MMP24: variants seen among roughly 807,000 people sequenced by gnomAD.
MMP24 encodes matrix metalloproteinase-24.
Under a neutral mutation model 62.8 loss-of-function variants are expected in MMP24, and 25 were observed. The observed-to-expected ratio is 0.40, with a 90% CI of 0.29 to 0.56. The LOEUF (loss-of-function observed/expected upper bound fraction) is 0.56, where lower values mean the gene tolerates loss of function less well. MMP24 is among the 20% of genes least tolerant of loss of function. The pLI is 0.50. For missense variants in MMP24, 634 were observed against 853.6 expected (o/e 0.74, Z 3.21); for synonymous variants, 319 against 350.5 (o/e 0.91, Z 1.00).
intron 3 of MMP24, among the ~76,000 whole-genome samples, chr20:35,252,792 GT>G (rs2060554006): frequency 1.4e-5 from 2 of 138,328 alleles, no homozygotes; most frequent in Admixed American, 1.4e-4. Flanking sequence ...TCAGGTGGGG[GT>G]GGGGCAAGGG....
At chr20:35,227,535 C>T (rs936148927) in intron 1 of MMP24, among the ~76,000 whole-genome samples, 8 of 151,272 alleles carry the variant, frequency 5.3e-5, no homozygotes, top group African/African-American at 1.9e-4. Flanking sequence ...AATTTGGGCT[C>T]GATATAGGAA....
chr20:35,274,969 C>A lies in MMP24; in HGVS notation c.*360C>A. ...ACCACAGCTCCACTCCTGGCTGGAA[C>A]CCAGCACCCTCTGTGGGAAGCCAGC... On this transcript the variant is annotated 3_prime_UTR_variant, in exon 9 of 9. Transcript: ENST00000246186. The surrounding 1 kb of genome is among the most constrained non-coding windows in gnomAD (Gnocchi z 5.1). The A allele has an allele frequency of 4.0e-6, 1 of 252,220 alleles. No homozygotes were observed. Among genetic ancestry groups the A allele is most frequent in the Admixed American group, 5.0e-5 (1 of 20,166 alleles). 15.6% of individuals were successfully genotyped at this position (252,220 alleles called of 1,614,324 possible).
At chr20:35,260,539 C>A (rs1467046405) in intron 4 of MMP24, among the ~76,000 whole-genome samples, 2 of 152,252 alleles carry the variant, frequency 1.3e-5, no homozygotes, top group Non-Finnish European at 2.9e-5. Context: ...GGAGCACAGC[C>A]AGGACTGGAC....
At chr20:35,264,686 C>G (rs1195585500) in intron 5 of MMP24, among the ~76,000 whole-genome samples, 6 of 108,328 alleles carry the variant, frequency 5.5e-5, no homozygotes, top group Non-Finnish European at 1.0e-4. Context: ...CCAGCCTGGG[C>G]AACAGGGCGA....
At chr20:35,229,093 G>A (rs2060427158) in intron 1 of MMP24, among the ~76,000 whole-genome samples, 1 of 152,188 alleles carries the variant, frequency 6.6e-6, no homozygotes, top group South Asian at 2.1e-4. Flanking sequence ...CCCTGTATGT[G>A]GATTATTTTT....
At chr20:35,245,403 T>TC (rs375639765) in intron 1 of MMP24, among the ~76,000 whole-genome samples, 31 of 151,678 alleles carry the variant, frequency 2.0e-4, no homozygotes, top group Middle Eastern at 6.8e-3. Context: ...CTCTCTTCTC[T>TC]CTGTCTCTGT....
chr20:35,261,501 G>A (rs2146228149), intron 4 of MMP24, among the ~76,000 whole-genome samples: 1 of 152,306 alleles, frequency 6.6e-6, no homozygotes, highest in African/African-American at 2.4e-5. Context: ...GGGGAATGAA[G>A]GTAATCTGTC....
chr20:35,234,013 G>A (rs2060450041), intron 1 of MMP24, among the ~76,000 whole-genome samples: 1 of 152,088 alleles, frequency 6.6e-6, no homozygotes, highest in African/African-American at 2.4e-5. Flanking sequence ...GCTTAATGAA[G>A]CCGATGAGGC....
intron 3 of MMP24, 92 bp downstream of exon 3, chr20:35,252,113 G>A: frequency 6.6e-6 from 7 of 1,052,866 alleles, no homozygotes; most frequent in Non-Finnish European, 1.0e-5. Flanking sequence ...AATGTAGGGG[G>A]GCCTGGGGAT....
chr20:35,262,516 G>A (rs927725442), intron 4 of MMP24, among the ~76,000 whole-genome samples: 36 of 151,156 alleles, frequency 2.4e-4, no homozygotes, highest in Non-Finnish European at 2.4e-4. Context: ...GCCCTAAGGC[G>A]GTTTTTCCCT....
intron 1 of MMP24, among the ~76,000 whole-genome samples, chr20:35,234,133 T>C (rs907613948): frequency 2.0e-5 from 3 of 152,164 alleles, no homozygotes; most frequent in African/African-American, 7.2e-5. Context: ...TTTTCTAATA[T>C]ACAGGCTCCT....
At chr20:35,227,193 C>T (rs182759393) in intron 1 of MMP24, among the ~76,000 whole-genome samples, 1 of 151,280 alleles carries the variant, frequency 6.6e-6, no homozygotes, top group Non-Finnish European at 1.5e-5. Context: ...CCGGGAGCTG[C>T]TTCAGCACCG....
rs1354714132 is a variant in MMP24 at position 35,263,984 on chromosome 20, TC to T, written c.979+34del. 6 of 1,563,270 alleles carry T rather than the reference TC, an allele frequency of 3.8e-6. No individual in the cohort carries two copies. In the Admixed American group the frequency reaches 1.1e-4, roughly 29 times the overall value. ...GGCAGGGAGAGGGGGGACTGCTCCT[TC>T]CTCGGGGCTGGGCTGTGACTGCCTA... On this transcript the variant is annotated intron_variant, in intron 5 of 8. Transcript: ENST00000246186.
At chr20:35,241,663 G>A (rs552261493) in intron 1 of MMP24, among the ~76,000 whole-genome samples, 5 of 152,314 alleles carry the variant, frequency 3.3e-5, no homozygotes, top group African/African-American at 1.2e-4. Flanking sequence ...CCTTGCTTGA[G>A]TATCCCAGAA....
chr20:35,246,470 C>T (rs1167301542), intron 1 of MMP24, among the ~76,000 whole-genome samples: 1 of 152,016 alleles, frequency 6.6e-6, no homozygotes, highest in Admixed American at 6.6e-5. Context: ...AGCTGGACTC[C>T]GTCTCAAAAA....
At chr20:35,267,161 G>T in intron 5 of MMP24, 44 bp from the exon 6 acceptor site, 1 of 1,483,244 alleles carries the variant, frequency 6.7e-7, no homozygotes. Context: ...AATGGGAGGC[G>T]GGAAACGGCT....
At chr20:35,230,711 A>G (rs1363915724) in intron 1 of MMP24, among the ~76,000 whole-genome samples, 1 of 152,180 alleles carries the variant, frequency 6.6e-6, no homozygotes, top group Admixed American at 6.5e-5. Context: ...CTTAGAGATC[A>G]CCCAGTACCT....
intron 1 of MMP24, among the ~76,000 whole-genome samples, chr20:35,235,278 C>T (rs1466002947): frequency 1.1e-4 from 17 of 152,084 alleles, no homozygotes; most frequent in Non-Finnish European, 2.2e-4. Flanking sequence ...GTGGCATACA[C>T]CTACAGTCAC....
chr20:35,253,543 C>T (rs1026573698), intron 3 of MMP24, among the ~76,000 whole-genome samples: 11 of 152,062 alleles, frequency 7.2e-5, no homozygotes, highest in Non-Finnish European at 1.5e-4. Context: ...CTTCAGTTTC[C>T]TTACGTGTGG....
Sources: gnomAD v4.1 joint callset for allele counts (sites outside exome capture counted in the v4.1 genomes callset) on GRCh38, gnomAD v4.1.1 for gene constraint, Gnocchi (gnomAD v3.1) non-coding constraint, MANE v1.5 for transcripts, NCBI Gene and HGNC (gene_info 2026-07-23, HGNC 2026-07-21) for gene names.